Variants in FBXO15 observed in about 807,000 individuals in gnomAD.
The protein encoded by FBXO15 is F-box only protein 15.
FBXO15 carries 30 observed loss-of-function variants against 49.5 expected under a neutral mutation model. The ratio of observed to expected loss-of-function variants is 0.61; its 90% CI spans 0.45 to 0.82. The LOEUF (loss-of-function observed/expected upper bound fraction) is 0.82, where lower values mean the gene tolerates loss of function less well. Among genes scored for constraint, FBXO15 ranks in the 40% least tolerant of loss-of-function variants. FBXO15 has a pLI of 0.00. For missense variants in FBXO15, 591 were observed against 631.5 expected, an observed-to-expected ratio of 0.94 and a Z score of 0.69; for synonymous variants, 250 against 232.7, an observed-to-expected ratio of 1.07 and a Z score of -0.68.
At chr18:74,091,752 T>C (rs888909264) in intron 8 of FBXO15, among the ~76,000 whole-genome samples, 2 of 152,366 alleles carry the variant, frequency 1.3e-5, no homozygotes, top group African/African-American at 2.4e-5. Context: ...AAAGGTCCAC[T>C]GTTAGTTTGA....
chr18:74,117,807 T>C (rs1052518379), intron 8 of FBXO15, among the ~76,000 whole-genome samples: 3 of 152,170 alleles, frequency 2.0e-5, no homozygotes, highest in Non-Finnish European at 2.9e-5. Flanking sequence ...ATTTTAAGTA[T>C]GAGGAATGCA....
At chr18:74,111,056 C>T (rs955590580) in intron 8 of FBXO15, among the ~76,000 whole-genome samples, 17 of 152,054 alleles carry the variant, frequency 1.1e-4, no homozygotes, top group African/African-American at 2.7e-4. Flanking sequence ...CATAAATCAA[C>T]GGGGTATAAT....
At chr18:74,141,401 C>T (rs1051791326) in intron 1 of FBXO15, among the ~76,000 whole-genome samples, 15 of 152,180 alleles carry the variant, frequency 9.9e-5, no homozygotes, top group Non-Finnish European at 1.8e-4. Flanking sequence ...GCACCTCCTT[C>T]CTGATGTGCT....
intron 6 of FBXO15, among the ~76,000 whole-genome samples, 198 bp downstream of exon 6, chr18:74,125,777 T>C (rs1914681775): frequency 6.6e-6 from 1 of 152,142 alleles, no homozygotes; most frequent in African/African-American, 2.4e-5. Context: ...TTGTCTATCA[T>C]AGCAGAACAG....
At chr18:74,136,330 G>A (rs962764918) in intron 2 of FBXO15, among the ~76,000 whole-genome samples, 7 of 152,154 alleles carry the variant, frequency 4.6e-5, no homozygotes, top group Non-Finnish European at 1.5e-5. Flanking sequence ...ACAGGCGCAC[G>A]CCGCCAAGCC....
intron 8 of FBXO15, among the ~76,000 whole-genome samples, chr18:74,093,046 A>C (rs767326866): frequency 9.9e-5 from 15 of 152,084 alleles, no homozygotes; most frequent in Non-Finnish European, 1.8e-4. Flanking sequence ...ACCTCCATGC[A>C]TGTGTTCATA....
chr18:74,143,890 T>C (rs1038150435), intron 1 of FBXO15, among the ~76,000 whole-genome samples: 1 of 152,220 alleles, frequency 6.6e-6, no homozygotes, highest in African/African-American at 2.4e-5. Context: ...TCTGTTTCTC[T>C]CCTTAGCACA....
intron 8 of FBXO15, among the ~76,000 whole-genome samples, chr18:74,116,665 A>C (rs1339557410): frequency 1.3e-5 from 2 of 152,064 alleles, no homozygotes; most frequent in African/African-American, 4.8e-5. Flanking sequence ...GCCCTTCCTC[A>C]GAACATTCCA....
intron 8 of FBXO15, among the ~76,000 whole-genome samples, chr18:74,104,595 A>C (rs1913665295): frequency 6.6e-6 from 1 of 152,162 alleles, no homozygotes; most frequent in Admixed American, 6.5e-5. Context: ...AAGATATTCC[A>C]TACAACTGCA....
intron 8 of FBXO15, among the ~76,000 whole-genome samples, chr18:74,107,125 TTTTTG>T (rs1235316766): frequency 6.6e-6 from 1 of 151,996 alleles, no homozygotes; most frequent in East Asian, 1.9e-4. Context: ...AGATAATTAT[TTTTTG>T]TTTTATTTCA....
At chr18:74,147,305 C>A (rs566949149) in intron 1 of FBXO15, among the ~76,000 whole-genome samples, 2 of 152,184 alleles carry the variant, frequency 1.3e-5, no homozygotes, top group South Asian at 4.2e-4. Context: ...AAGGGAGATT[C>A]TTGGTTACAG....
intron 9 of FBXO15, among the ~76,000 whole-genome samples, chr18:74,077,922 C>T (rs1320162460): frequency 1.3e-5 from 2 of 152,188 alleles, no homozygotes; most frequent in African/African-American, 4.8e-5. Flanking sequence ...GACTGTGTTA[C>T]TTACAACCTC....
At chr18:74,131,399 G>A (rs1157178475) in intron 3 of FBXO15, among the ~76,000 whole-genome samples, 2 of 152,168 alleles carry the variant, frequency 1.3e-5, no homozygotes, top group African/African-American at 4.8e-5. Context: ...TAGTGAAGCT[G>A]GGATCGGAAC....
chr18:74,134,604 G>A (rs1165927621), intron 3 of FBXO15, among the ~76,000 whole-genome samples: 4 of 151,956 alleles, frequency 2.6e-5, no homozygotes, highest in African/African-American at 9.7e-5. Flanking sequence ...TCCTGACCTC[G>A]TGATCCGCCC....
Position 74,073,592 on chromosome 18 carries a change from A to G in FBXO15, c.1402T>C (p.Tyr468His). The change falls in exon 10 of 10, where the codon TAC (tyrosine) becomes CAC (histidine). Residue 468 changes from tyrosine (Y) to histidine (H), a missense_variant. Tyr to His is a moderately conservative substitution (Grantham distance 83). Coordinates refer to ENST00000419743, the MANE Select transcript of FBXO15 (RefSeq NM_001142958.2). ...SFLGQTYNVD[Y>H]VDAEGRVHVE... ...TGCACTCTTCCTTCCGCATCAACGT[A>G]GTCCACGTTGTATGTCTGTCCCAAG... 6.2e-7 allele frequency: 1 copy of G among 1,614,224 alleles called. No individual in the cohort carries two copies. The highest frequency in any genetic ancestry group is 8.5e-7 in the Non-Finnish European group (1 of 1,180,036).
chr18:74,075,270 A>T lies in FBXO15; in HGVS notation c.1264-1540T>A, dbSNP rs1487894600. 1.3e-5 allele frequency among the ~76,000 whole-genome samples: 2 copies of T among 152,096 alleles called. No individual in the cohort carries two copies. Among genetic ancestry groups the T allele is most frequent in the Non-Finnish European group, 2.9e-5 (2 of 68,010 alleles). ...GACAGGGGAGAAGGATGTTTTCCTC[A>T]ACTTCCCACTGCAGATCCACAGCCC... On this transcript the variant is annotated intron_variant, in intron 9 of 9. Coordinates refer to ENST00000419743, the MANE Select transcript of FBXO15 (RefSeq NM_001142958.2). This position sits in a 1 kb window ranked among gnomAD's most constrained non-coding sequence, Gnocchi z 4.1.
In FBXO15 at chr18:74,130,431, G is replaced by A. The variant is rs1278636455; in HGVS notation, c.560C>T (p.Thr187Ile). Residue 187 changes from threonine (T) to isoleucine (I), a missense_variant, in exon 4 of 10, where the codon ACC (threonine) becomes ATC (isoleucine). By Grantham distance (89) the Thr-to-Ile change is moderately conservative. Transcript: ENST00000419743. ...CACTGCGTACCTGAGGGCCTCTTTG[G>A]TCTTAACTGGAAGGCCTGTGTAAGG... Reference protein sequence around the residue: ...VNPYTGLPVKTKEALRIFGLG... With the variant: ...VNPYTGLPVKIKEALRIFGLG... The A allele has an allele frequency of 1.2e-6, 2 of 1,614,162 alleles. No homozygotes were observed. Among genetic ancestry groups the A allele is most frequent in the South Asian group, 1.1e-5 (1 of 91,088 alleles).
intron 9 of FBXO15, among the ~76,000 whole-genome samples, chr18:74,077,633 G>A (rs906515274): frequency 5.9e-5 from 9 of 152,138 alleles, no homozygotes; most frequent in African/African-American, 1.9e-4. Flanking sequence ...ACCAGAGTGG[G>A]GAGCAGGTGG....
At chr18:74,102,354 T>C (rs1913561185) in intron 8 of FBXO15, among the ~76,000 whole-genome samples, 1 of 151,938 alleles carries the variant, frequency 6.6e-6, no homozygotes, top group Non-Finnish European at 1.5e-5. Flanking sequence ...ACAAAAAAAA[T>C]GCTCAGCATC....
Sources: allele counts gnomAD v4.1 joint callset (sites outside exome capture counted in the v4.1 genomes callset), GRCh38; gene constraint gnomAD v4.1.1; non-coding constraint Gnocchi (gnomAD v3.1); transcripts MANE v1.5; gene names NCBI Gene and HGNC (gene_info 2026-07-23, HGNC 2026-07-21).